The following NLRP1 variants were observed in gnomAD, a reference collection of about 807,000 sequenced individuals.
NLRP1 encodes the protein NLR family pyrin domain containing 1.
Under a neutral mutation model 136.7 loss-of-function variants are expected in NLRP1, and 94 were observed. The ratio of observed to expected loss-of-function variants is 0.69; its 90% CI spans 0.58 to 0.82. The LOEUF (loss-of-function observed/expected upper bound fraction) is 0.82, where lower values mean the gene tolerates loss of function less well. NLRP1 is among the 40% of genes least tolerant of loss of function. The probability of loss-of-function intolerance (pLI) is 0.00; values close to 1 mark genes in which losing one functional copy is unlikely to be tolerated. For missense variants in NLRP1, 1,575 were observed against 1,802.7 expected, an observed-to-expected ratio of 0.87 and a Z score of 2.29; for synonymous variants, 690 against 725.1, an observed-to-expected ratio of 0.95 and a Z score of 0.78.
chr17:5,536,338 A>G (rs1285401608), intron 8 of NLRP1, among the ~76,000 whole-genome samples: 1 of 151,406 alleles, frequency 6.6e-6, no homozygotes, highest in African/African-American at 2.4e-5. Flanking sequence ...TAGTAGAGAC[A>G]GGGTTTCACC....
chr17:5,564,315 A>C (rs1056429915), intron 3 of NLRP1, among the ~76,000 whole-genome samples: 1 of 152,066 alleles, frequency 6.6e-6, no homozygotes, highest in Non-Finnish European at 1.5e-5. Flanking sequence ...ATTTTTTTGT[A>C]CCCACTAACT....
intron 11 of NLRP1, among the ~76,000 whole-genome samples, chr17:5,531,031 G>C (rs1293124880): frequency 6.6e-6 from 1 of 152,162 alleles, no homozygotes; most frequent in African/African-American, 2.4e-5. Flanking sequence ...CTACTATGTT[G>C]ATGATGGCAA....
chr17:5,529,702 A>G (rs966865332), intron 12 of NLRP1, among the ~76,000 whole-genome samples: 3 of 147,216 alleles, frequency 2.0e-5, no homozygotes, highest in Admixed American at 2.0e-4. Context: ...TTAGTTTCCA[A>G]CTTTGATTTG....
downstream of NLRP1, among the ~76,000 whole-genome samples, chr17:5,513,644 A>G (rs1907775732): frequency 6.6e-6 from 1 of 152,186 alleles, no homozygotes; most frequent in Non-Finnish European, 1.5e-5. Flanking sequence ...GGTAGGGATG[A>G]TGGCCCCTGT....
chr17:5,568,649 T>G (rs2151814940), intron 3 of NLRP1, among the ~76,000 whole-genome samples: 1 of 152,224 alleles, frequency 6.6e-6, no homozygotes, highest in South Asian at 2.1e-4. Context: ...AGTTGAGCAT[T>G]TATTGTAGTC....
At position 5,559,905 on chromosome 17, in the gene NLRP1, CA is replaced by C. The variant is rs1597460588; in HGVS notation, c.790del (p.Cys264ValfsTer48). 3.1e-6 allele frequency: 5 copies of C among 1,614,198 alleles called. No homozygotes were observed. Among genetic ancestry groups the C allele is most frequent in the Non-Finnish European group, 4.2e-6 (5 of 1,180,036 alleles). ...PWEPSVRESL[C>X]STWPWKNEDF... ...CTCATTTTTCCAGGGCCATGTGGAACAGAGGCTCTCTCTCACAGAAGGCTCC... is the reference window on the plus strand; with the variant it reads ...CTCATTTTTCCAGGGCCATGTGGAACGAGGCTCTCTCTCACAGAAGGCTCC... On this transcript the variant is annotated frameshift_variant, in exon 4 of 17. Transcript: ENST00000572272. LOFTEE classifies it high-confidence loss of function.
chr17:5,569,397 T>G (rs1915640120), intron 3 of NLRP1, among the ~76,000 whole-genome samples: 1 of 152,010 alleles, frequency 6.6e-6, no homozygotes, highest in Non-Finnish European at 1.5e-5. Flanking sequence ...TGCAATGACA[T>G]TCATAGGCTC....
chr17:5,578,005 G>T (rs1169299640), intron 3 of NLRP1, among the ~76,000 whole-genome samples: 1 of 152,140 alleles, frequency 6.6e-6, no homozygotes, highest in East Asian at 1.9e-4. Flanking sequence ...AACAAGAAAT[G>T]GGGAAAGGAT....
At chr17:5,521,927 C>A (rs185832860) in intron 12 of NLRP1, 141 bp from the exon 13 acceptor site, 3 of 789,172 alleles carry the variant, frequency 3.8e-6, no homozygotes, top group Non-Finnish European at 5.7e-6. Context: ...TGGGTTCAAG[C>A]GATTCTCCTG....
At chr17:5,507,497 C>T (rs747738646) in intron 15 of NLRP1, among the ~76,000 whole-genome samples, 6 of 152,014 alleles carry the variant, frequency 3.9e-5, no homozygotes, top group East Asian at 1.9e-4. Flanking sequence ...GAGTTCCAGA[C>T]GAGCCTGGGC....
At chr17:5,536,714 A>G in intron 8 of NLRP1, 137 bp downstream of exon 8, 1 of 610,714 alleles carries the variant, frequency 1.6e-6, no homozygotes, top group Non-Finnish European at 3.0e-6. Flanking sequence ...TGCACTGACA[A>G]GTGCACCTCA....
chr17:5,517,362 C>CACCCG (rs1294248524), intron 15 of NLRP1, among the ~76,000 whole-genome samples: 1 of 61,564 alleles, frequency 1.6e-5, no homozygotes, highest in Non-Finnish European at 3.8e-5. Context: ...CCCCCCCCCT[C>CACCCG]CCACATACAC....
In NLRP1 at chr17:5,559,761, A is replaced by G; in HGVS notation, c.935T>C (p.Ile312Thr). The G allele has an allele frequency of 1.2e-6, 2 of 1,614,250 alleles. No homozygotes were observed. Among genetic ancestry groups the G allele is most frequent in the Non-Finnish European group, 1.7e-6 (2 of 1,180,042 alleles). ...TGGGCCAAATAAGTCTCTGATCTCA[A>G]TTAAATGTCCTCGATTCTCCTCCAC... ...DYVEENRGHL[I>T]EIRDLFGPGL... Residue 312 changes from isoleucine to threonine, a missense_variant, in exon 4 of 17, where the codon ATT becomes ACT. By Grantham distance (89) the Ile-to-Thr change is moderately conservative. Coordinates refer to ENST00000572272, the MANE Select transcript of NLRP1 (RefSeq NM_033004.4).
Position 5,579,657 on chromosome 17 carries a change from T to C in NLRP1, c.652+2202A>G, listed in dbSNP as rs181088178. On this transcript the variant is annotated intron_variant, in intron 3 of 16. Coordinates refer to ENST00000572272, the MANE Select transcript of NLRP1 (RefSeq NM_033004.4). ...ACATGTATGTTTATTGCAGCACTAGTCACAATAGCACCAGTATGGAATCAA... is the reference window on the plus strand; with the variant it reads ...ACATGTATGTTTATTGCAGCACTAGCCACAATAGCACCAGTATGGAATCAA... 2.0e-5 allele frequency among the ~76,000 whole-genome samples: 3 copies of C among 152,210 alleles called. No homozygotes were observed. In the East Asian group the frequency reaches 5.8e-4, roughly 29 times the overall value.
rs559308910 is a variant in NLRP1 at position 5,542,073 on chromosome 17, A to G, written c.2529-46T>C. The G allele has an allele frequency of 7.4e-5, 116 of 1,572,446 alleles. 1 individual carries two copies. In the Admixed American group the frequency reaches 2.0e-3, roughly 26 times the overall value. On this transcript the variant is annotated intron_variant, in intron 5 of 16. Transcript: ENST00000572272. ...TGGTCTTCAGGTTACTCACCTGTTG[A>G]TTCAACAGACACCCATAAGCAACCA...
rs566988444 is a variant in NLRP1 at position 5,537,158 on chromosome 17, C to T, written c.2871-218G>A. Among the ~76,000 whole-genome samples the T allele has an allele frequency of 5.4e-4, 83 of 152,294 alleles. No homozygotes were observed. Among genetic ancestry groups the T allele is most frequent in the Non-Finnish European group, 9.3e-4 (63 of 68,014 alleles). On this transcript the variant is annotated intron_variant, in intron 7 of 16. Transcript: ENST00000572272. This position sits in a 1 kb window ranked among gnomAD's most constrained non-coding sequence, Gnocchi z 4.5. ...AAGGGAAGGGAGGGAATCGGGGAGA[C>T]GTGGGCTGTGAGGCAGTCTCCAATG...
intron 14 of NLRP1, among the ~76,000 whole-genome samples, chr17:5,520,211 T>C (rs890594854): frequency 6.6e-6 from 1 of 152,116 alleles, no homozygotes; most frequent in Non-Finnish European, 1.5e-5. Context: ...CCATTGCACT[T>C]AGAACAAAGT....
In NLRP1 at chr17:5,514,236, C is replaced by T. The variant is rs11651400; in HGVS notation, c.*518G>A. ...GGGTTTTCTGGTAAAAACTGGAAAG[C>T]CTGCTAGACAAATTCTAAAAGAGCT... On this transcript the variant is annotated 3_prime_UTR_variant, in exon 17 of 17. Transcript: ENST00000572272. The T allele has an allele frequency of 0.048, 9,705 of 201,140 alleles. 280 individuals are homozygous for T. Among genetic ancestry groups the T allele is most frequent in the Middle Eastern group, 0.081 (33 of 406 alleles). The allele number at this position is 201,140 out of a possible 1,614,324, so 12.5% of individuals were successfully genotyped here. A position where few individuals can be genotyped will look rare whatever the true frequency, so the allele number is the denominator to read the frequency against.
At chr17:5,561,226 T>C (rs543791760) in intron 3 of NLRP1, among the ~76,000 whole-genome samples, 1 of 152,150 alleles carries the variant, frequency 6.6e-6, no homozygotes, top group South Asian at 2.1e-4. Flanking sequence ...CAGCTAATTT[T>C]TGTATTTTTG....
Sources: allele counts gnomAD v4.1 joint callset (sites outside exome capture counted in the v4.1 genomes callset), GRCh38; gene constraint gnomAD v4.1.1; non-coding constraint Gnocchi (gnomAD v3.1); transcripts MANE v1.5; gene names NCBI Gene and HGNC (gene_info 2026-07-23, HGNC 2026-07-21).